The following ZNF611 variants were observed in gnomAD, a reference collection of about 807,000 sequenced individuals.
The protein encoded by ZNF611 is zinc finger protein 611.
A neutral mutation model predicts 8.9 loss-of-function variants in ZNF611; 6 were observed. The ratio of observed to expected loss-of-function variants is 0.68; its 90% CI spans 0.37 to 1.34. The LOEUF (loss-of-function observed/expected upper bound fraction) is 1.34, where lower values mean the gene tolerates loss of function less well. Ranked by LOEUF, ZNF611 falls within the 40% of genes most tolerant of loss-of-function variation. ZNF611 has a pLI of 0.02. For synonymous variants in ZNF611, 262 were observed against 279.7 expected (o/e 0.94, Z 0.63); for missense variants, 874 against 841.3 (o/e 1.04, Z -0.48).
At chr19:52,719,572 C>T (rs1183708246) in intron 3 of ZNF611, among the ~76,000 whole-genome samples, 2 of 152,142 alleles carry the variant, frequency 1.3e-5, no homozygotes, top group Admixed American at 6.6e-5. Context: ...AGCAACATGT[C>T]ATCACTTCAT....
rs189237383 is a variant in ZNF611, at chr19:52,716,776, A to G, written c.-19-863T>C. Among the ~76,000 whole-genome samples the G allele has an allele frequency of 1.7e-3, 259 of 152,254 alleles. 1 individual carries two copies. In the East Asian group the frequency reaches 0.018, roughly 11 times the overall value. ...GACTAATTAGAAACTCAAAAGAAGG[A>G]CCCAGCACAGTGGCTCAGGACTGTA... On this transcript the variant is annotated intron_variant, in intron 3 of 5. Coordinates refer to ENST00000652185, the MANE Select transcript of ZNF611 (RefSeq NM_001161499.2).
rs143269635 is a variant in ZNF611, at chr19:52,705,683, C to T, written c.1372G>A (p.Val458Ile). The change falls in exon 6 of 6, where the codon GTT (valine) becomes ATT (isoleucine). Residue 458 changes from valine (V) to isoleucine (I), a missense_variant. Coordinates refer to ENST00000652185, the MANE Select transcript of ZNF611 (RefSeq NM_001161499.2). Reference sequence around the variant, plus strand: ...CTCCACACAAAAGCCTTGTCACAAACCTTACATTTGTAAGATTTCTCTCCA... The same window carrying T: ...CTCCACACAAAAGCCTTGTCACAAATCTTACATTTGTAAGATTTCTCTCCA... ...HGGEKSYKCK[V>I]CDKAFVWSSQ... 1.2e-6 allele frequency: 2 copies of T among 1,613,914 alleles called. No individual in the cohort carries two copies. The highest frequency in any genetic ancestry group is 2.2e-5 in the East Asian group (1 of 44,860).
At position 52,705,925 on chromosome 19, in the gene ZNF611, T is replaced by C. The variant is rs769203249; in HGVS notation, c.1130A>G (p.Lys377Arg). The C allele has an allele frequency of 5.9e-5, 95 of 1,614,082 alleles. No individual in the cohort carries two copies. The highest frequency in any genetic ancestry group is 7.8e-5 in the Non-Finnish European group (92 of 1,180,032). Reference protein sequence around the residue: ...EKPYKCEECDKVFSRKSTIET... With the variant: ...EKPYKCEECDRVFSRKSTIET... ...AATGGTTGATTTCCGACTGAAAACT[T>C]TGTCACATTCTTCACATTTGTAAGG... is the stretch of plus-strand genomic sequence containing the variant. The change falls in exon 6 of 6, where the codon AAA becomes AGA. Residue 377 changes from lysine to arginine, a missense_variant. By Grantham distance (26) the Lys-to-Arg change is conservative. Transcript: ENST00000652185.
At chr19:52,709,080 G>A (rs2062263378) in intron 5 of ZNF611, among the ~76,000 whole-genome samples, 1 of 152,076 alleles carries the variant, frequency 6.6e-6, no homozygotes, top group Admixed American at 6.6e-5. Context: ...CAAAAAATAT[G>A]ATGTATGTTC....
intron 3 of ZNF611, chr19:52,723,689 T>C (rs1218873676): frequency 6.6e-6 from 1 of 152,194 alleles, no homozygotes; most frequent in Non-Finnish European, 1.5e-5. Flanking sequence ...GCACTCAGCA[T>C]ACGGAGGATC....
intron 4 of ZNF611, among the ~76,000 whole-genome samples, chr19:52,715,254 G>A (rs1016109131): frequency 1.4e-4 from 21 of 151,982 alleles, no homozygotes; most frequent in African/African-American, 4.8e-4. Flanking sequence ...TCAGGAGTTC[G>A]AGACCAGCCT....
rs2062223256 is a variant in ZNF611 at position 52,704,089 on chromosome 19, C to T, written c.*848G>A. Reference sequence around the variant, plus strand: ...CCTCAAGTGACCTATGTGCCTTGGCCTCCCGACGTGCTGGGATTACAGGTC... The same window carrying T: ...CCTCAAGTGACCTATGTGCCTTGGCTTCCCGACGTGCTGGGATTACAGGTC... On this transcript the variant is annotated 3_prime_UTR_variant, in exon 6 of 6. Coordinates refer to ENST00000652185, the MANE Select transcript of ZNF611 (RefSeq NM_001161499.2). 7.4e-6 allele frequency: 2 copies of T among 269,818 alleles called. No individual in the cohort carries two copies. The highest frequency in any genetic ancestry group is 9.8e-5 in the Admixed American group (2 of 20,344). The allele number at this position is 269,818 out of a possible 1,614,324, so 16.7% of individuals were successfully genotyped here. A position where few individuals can be genotyped will look rare whatever the true frequency, so the allele number is the denominator to read the frequency against.
chr19:52,727,316 T>C (rs760310844), intron 3 of ZNF611, among the ~76,000 whole-genome samples: 1 of 152,108 alleles, frequency 6.6e-6, no homozygotes, highest in African/African-American at 2.4e-5. Flanking sequence ...GACCAGAATG[T>C]GATGGGAAAT....
rs1600304513 is a variant in ZNF611, at chr19:52,705,655, G to A, written c.1400C>T (p.Ser467Leu). ...AATTCTAGTATGTTTTGCCAGTTGT[G>A]AACTCCACACAAAAGCCTTGTCACA... ...KVCDKAFVWS[S>L]QLAKHTRIDC... The change falls in exon 6 of 6, where the codon TCA becomes TTA. Residue 467 changes from serine to leucine, a missense_variant. Ser to Leu is a moderately radical substitution (Grantham distance 145). Coordinates refer to ENST00000652185, the MANE Select transcript of ZNF611 (RefSeq NM_001161499.2). The A allele has an allele frequency of 6.2e-7, 1 of 1,613,742 alleles. No homozygotes were observed. The highest frequency in any genetic ancestry group is 8.5e-7 in the Non-Finnish European group (1 of 1,179,826).
Position 52,705,185 on chromosome 19 carries a change from A to C in ZNF611, c.1870T>G (p.Cys624Gly). 1 of 1,614,206 alleles carries C rather than the reference A, an allele frequency of 6.2e-7. No homozygotes were observed. Residue 624 changes from cysteine (C) to glycine (G), a missense_variant, in exon 6 of 6, where the codon TGT (cysteine) becomes GGT (glycine). Coordinates refer to ENST00000652185, the MANE Select transcript of ZNF611 (RefSeq NM_001161499.2). Reference sequence around the variant, plus strand: ...CGGAAGGTATTGCCACACTCATTACACTTGTAAGGTTTCTCACCACTATGA... The same window carrying C: ...CGGAAGGTATTGCCACACTCATTACCCTTGTAAGGTTTCTCACCACTATGA... Reference protein sequence around the residue: ...RLHSGEKPYKCNECGNTFRHC... With the variant: ...RLHSGEKPYKGNECGNTFRHC...
At chr19:52,730,831 G>A (rs966634120) in intron 1 of ZNF611, among the ~76,000 whole-genome samples, 2 of 152,076 alleles carry the variant, frequency 1.3e-5, no homozygotes, top group Admixed American at 6.6e-5. Flanking sequence ...TGATTCACCC[G>A]CATCAGCCTT....
At chr19:52,734,261 T>C (rs1006835995) in intron 1 of ZNF611, among the ~76,000 whole-genome samples, 3 of 151,498 alleles carry the variant, frequency 2.0e-5, no homozygotes, top group Non-Finnish European at 4.4e-5. Flanking sequence ...CCATCTGTTA[T>C]GGGCCTTTCT....
At chr19:52,713,230 T>A (rs1373122138) in intron 5 of ZNF611, among the ~76,000 whole-genome samples, 9 of 151,932 alleles carry the variant, frequency 5.9e-5, no homozygotes, top group Non-Finnish European at 1.3e-4. Context: ...AACATAGAAA[T>A]GAACAAGTTG....
intron 1 of ZNF611, among the ~76,000 whole-genome samples, chr19:52,731,432 G>A (rs1041103588): frequency 4.0e-5 from 6 of 151,890 alleles, no homozygotes; most frequent in South Asian, 2.1e-4. Flanking sequence ...ATGCAGTGGC[G>A]CAATCTCGGC....
chr19:52,710,912 G>C (rs1005974392), intron 5 of ZNF611, among the ~76,000 whole-genome samples: 9 of 62,274 alleles, frequency 1.4e-4, no homozygotes, highest in Admixed American at 7.4e-4. Flanking sequence ...CATAATCCCA[G>C]CTACTTGGGG....
intron 3 of ZNF611, among the ~76,000 whole-genome samples, chr19:52,718,195 C>T (rs2062330583): frequency 6.6e-6 from 1 of 152,006 alleles, no homozygotes. Context: ...CAAAAATTAG[C>T]AGGAAATGGT....
chr19:52,716,114 T>G, intron 3 of ZNF611: 1 of 576,032 alleles, frequency 1.7e-6, no homozygotes, highest in Non-Finnish European at 3.0e-6. Context: ...ATCTCACCTC[T>G]CTCCTGGAGA....
chr19:52,730,932 T>A (rs1315928549), intron 1 of ZNF611, among the ~76,000 whole-genome samples: 3 of 152,062 alleles, frequency 2.0e-5, no homozygotes, highest in African/African-American at 7.2e-5. Context: ...GATTGTTATT[T>A]CTTTTTGTTT....
chr19:52,721,765 G>T (rs1294062814), intron 3 of ZNF611, among the ~76,000 whole-genome samples: 1 of 151,784 alleles, frequency 6.6e-6, no homozygotes, highest in Non-Finnish European at 1.5e-5. Context: ...GAGAGGGAGA[G>T]CTTTTTTTTG....
Sources: allele counts gnomAD v4.1 joint callset (sites outside exome capture counted in the v4.1 genomes callset), GRCh38; gene constraint gnomAD v4.1.1; transcripts MANE v1.5; gene names NCBI Gene and HGNC (gene_info 2026-07-23, HGNC 2026-07-21).